MAEA: variants seen among roughly 807,000 people sequenced by gnomAD.
MAEA encodes the protein E3 ubiquitin-protein transferase MAEA.
A neutral mutation model predicts 46.2 loss-of-function variants in MAEA; 22 were observed. The observed-to-expected ratio is 0.48, with a 90% CI of 0.34 to 0.68. The LOEUF (loss-of-function observed/expected upper bound fraction) is 0.68, where lower values mean the gene tolerates loss of function less well. Among genes scored for constraint, MAEA ranks in the 30% least tolerant of loss-of-function variants. MAEA has a pLI of 0.01. For synonymous variants in MAEA, 246 were observed against 222.6 expected (o/e 1.11, Z -0.94); for missense variants, 393 against 558.1 (o/e 0.70, Z 2.98).
chr4:1,296,603 A>C (rs1318614354), intron 1 of MAEA, among the ~76,000 whole-genome samples: 1 of 149,614 alleles, frequency 6.7e-6, no homozygotes, highest in Non-Finnish European at 1.5e-5. Context: ...CCTGGTGTGC[A>C]CGTGGCTCTG....
intron 3 of MAEA, among the ~76,000 whole-genome samples, chr4:1,319,411 A>G (rs1228421838): frequency 6.6e-6 from 1 of 152,034 alleles, no homozygotes; most frequent in Non-Finnish European, 1.5e-5. Flanking sequence ...GTTCACTTAG[A>G]TGGTTTCTAG....
At position 1,332,838 on chromosome 4, in the gene MAEA, G is replaced by A. The variant is rs746730542; in HGVS notation, c.738G>A (p.Pro246=). 8 of 1,612,910 alleles carry A rather than the reference G, an allele frequency of 5.0e-6. No homozygotes were observed. Among genetic ancestry groups the A allele is most frequent in the Non-Finnish European group, 5.9e-6 (7 of 1,179,688 alleles). ...AGGCCATGGGCATGCTGGCCTTCCC[G>A]CCCGACACGCACATCTCCCCGTACA... ...VRQAMGMLAF[P]PDTHISPYKD... is the part of the protein sequence containing the mutation. The change falls in exon 6 of 9, where the codon CCG becomes CCA. Residue 246 remains proline, a synonymous_variant. Coordinates refer to ENST00000303400, the MANE Select transcript of MAEA (RefSeq NM_001017405.3).
chr4:1,329,058 G>A (rs957425912), intron 5 of MAEA: 4 of 985,670 alleles, frequency 4.1e-6, no homozygotes, highest in South Asian at 4.7e-5. Flanking sequence ...CTTCCATCCC[G>A]AGTCAGCCTC....
At chr4:1,335,831 G>C (rs1319324690) in intron 6 of MAEA, 1 of 107,584 alleles carries the variant, frequency 9.3e-6, no homozygotes, top group African/African-American at 3.8e-5. Context: ...ACAGAGTTAA[G>C]TCAGCACCTG....
intron 1 of MAEA, among the ~76,000 whole-genome samples, chr4:1,307,525 T>C (rs188995484): frequency 5.4e-4 from 82 of 152,376 alleles, no homozygotes; most frequent in African/African-American, 1.9e-3. Context: ...TGTTCCACTG[T>C]GTATTGTGTT....
chr4:1,309,455 C>T (rs970857661), intron 1 of MAEA: 2 of 1,315,888 alleles, frequency 1.5e-6, no homozygotes, highest in African/African-American at 1.5e-5. Context: ...CCTGGCTCCT[C>T]TGGGGGGCGT....
chr4:1,297,980 T>C, intron 1 of MAEA: 1 of 456,098 alleles, frequency 2.2e-6, no homozygotes, highest in South Asian at 1.5e-5. Context: ...GAAACCCCGC[T>C]GTGCAAGGCC....
At chr4:1,297,913 T>C in intron 1 of MAEA, 1 of 445,940 alleles carries the variant, frequency 2.2e-6, no homozygotes, top group Non-Finnish European at 4.6e-6. Context: ...CCCCTCGCGA[T>C]GTAGCCCCAT....
intron 2 of MAEA, 65 bp downstream of exon 2, chr4:1,312,226 A>C: frequency 6.3e-7 from 1 of 1,588,550 alleles, no homozygotes; most frequent in Non-Finnish European, 8.6e-7. Context: ...CTCGAAAATG[A>C]GTCCTAAGAC....
Position 1,315,534 on chromosome 4 carries a change from G to A in MAEA, c.390G>A (p.Val130=). Residue 130 remains valine, a synonymous_variant, in exon 3 of 9, where the codon GTG becomes GTA. Transcript: ENST00000303400. The part of the protein sequence containing the change: ...WKRKRMDRMM[V]EHLLRCGYYN... ...GGAAGCGCATGGATCGCATGATGGT[G>A]GAGCACCTGCTGCGTTGCGGCTACT... 1 of 1,613,892 alleles carries A rather than the reference G, an allele frequency of 6.2e-7. No homozygotes were observed. The highest frequency in any genetic ancestry group is 8.5e-7 in the Non-Finnish European group (1 of 1,179,970).
chr4:1,333,408 C>T (rs1482308405), intron 6 of MAEA, among the ~76,000 whole-genome samples: 2 of 152,136 alleles, frequency 1.3e-5, no homozygotes, highest in African/African-American at 4.8e-5. Context: ...AGCCGGGGCC[C>T]AGCTTCCTTG....
intron 8 of MAEA, 46 bp downstream of exon 8, chr4:1,338,663 C>G (rs768903914): frequency 1.4e-6 from 2 of 1,430,648 alleles, no homozygotes; most frequent in Non-Finnish European, 1.9e-6. Context: ...GCATCGCCAT[C>G]GGGACAGGGC....
intron 1 of MAEA, among the ~76,000 whole-genome samples, chr4:1,304,607 A>AT (rs1187486395): frequency 1.1e-4 from 17 of 151,552 alleles, no homozygotes; most frequent in African/African-American, 4.8e-5. Context: ...CGCCTGGCTA[A>AT]TTTTTTTGTA....
chr4:1,299,070 G>T (rs1022350940), intron 1 of MAEA, among the ~76,000 whole-genome samples: 1 of 152,018 alleles, frequency 6.6e-6, no homozygotes, highest in African/African-American at 2.4e-5. Context: ...GTAGAGATAG[G>T]TTCTAGCTCC....
intron 2 of MAEA, 62 bp from the exon 3 acceptor site, chr4:1,315,335 C>G (rs967936327): frequency 1.3e-5 from 20 of 1,525,710 alleles, no homozygotes; most frequent in Middle Eastern, 3.4e-4. Flanking sequence ...AGCCTGGCCT[C>G]CCTTGGTGCA....
At chr4:1,338,922 C>T (rs1258762612) in intron 8 of MAEA, 152 bp from the exon 9 acceptor site, 1 of 705,838 alleles carries the variant, frequency 1.4e-6, no homozygotes, top group South Asian at 1.7e-5. Flanking sequence ...GCGAGGTGGC[C>T]CCGGGATTTC....
intron 1 of MAEA, among the ~76,000 whole-genome samples, chr4:1,290,657 A>G (rs906952721): frequency 6.6e-6 from 1 of 152,228 alleles, no homozygotes; most frequent in Non-Finnish European, 1.5e-5. Flanking sequence ...TAAAAGATCA[A>G]GGTCATAGCT....
rs1207197778 is a variant in MAEA, at chr4:1,311,744, A to G, written c.70-235A>G. Among the ~76,000 whole-genome samples the G allele has an allele frequency of 1.3e-5, 2 of 152,182 alleles. No individual in the cohort carries two copies. Among genetic ancestry groups the G allele is most frequent in the African/African-American group, 4.8e-5 (2 of 41,428 alleles). On this transcript the variant is annotated intron_variant, in intron 1 of 8. Coordinates refer to ENST00000303400, the MANE Select transcript of MAEA (RefSeq NM_001017405.3). This position sits in a 1 kb window ranked among gnomAD's most constrained non-coding sequence, Gnocchi z 4.4. ...ATTATTTTGTCAACATACACGTACAATGTTTTTGGCAAAAATTGGGGTTGC... is the reference window on the plus strand; with the variant it reads ...ATTATTTTGTCAACATACACGTACAGTGTTTTTGGCAAAAATTGGGGTTGC...
In MAEA at chr4:1,331,597, G is replaced by C. The variant is rs1295147449; in HGVS notation, c.657-1160G>C. 5 of 152,328 alleles carry C rather than the reference G, an allele frequency of 3.3e-5. No individual in the cohort carries two copies. The East Asian group carries it at 7.7e-4, about 23-fold the overall frequency. The allele number at this position is 152,328 out of a possible 1,614,324, so 9.4% of individuals were successfully genotyped here. On this transcript the variant is annotated intron_variant, in intron 5 of 8. Coordinates refer to ENST00000303400, the MANE Select transcript of MAEA (RefSeq NM_001017405.3). ...TACATGCCTTGTTCTGGACAGCACA[G>C]GGCTGACTCACACATGGGACTTGAG...
Sources: allele counts gnomAD v4.1 joint callset (sites outside exome capture counted in the v4.1 genomes callset), GRCh38; gene constraint gnomAD v4.1.1; non-coding constraint Gnocchi (gnomAD v3.1); transcripts MANE v1.5; gene names NCBI Gene and HGNC (gene_info 2026-07-23, HGNC 2026-07-21).